Variants in RIPOR2 observed in about 807,000 individuals in gnomAD.
The protein encoded by RIPOR2 is rho family-interacting cell polarization regulator 2.
RIPOR2 carries 39 observed loss-of-function variants against 114.5 expected under a neutral mutation model. That is an observed-to-expected ratio of 0.34 (90% CI 0.26 to 0.44). RIPOR2 has a LOEUF of 0.44. Among genes scored for constraint, RIPOR2 ranks in the 20% least tolerant of loss-of-function variants. RIPOR2 has a pLI of 1.00. For synonymous variants in RIPOR2, 445 were observed against 484.4 expected, an observed-to-expected ratio of 0.92 and a Z score of 1.07; for missense variants, 1,007 against 1,255.1, an observed-to-expected ratio of 0.80 and a Z score of 2.99.
Position 24,850,832 on chromosome 6 carries a change from C to T in RIPOR2, c.760-110G>A, listed in dbSNP as rs1244767217. The T allele has an allele frequency of 2.4e-5, 28 of 1,179,938 alleles. No homozygotes were observed. The East Asian group carries it at 3.5e-4, about 15-fold the overall frequency. The allele number at this position is 1,179,938 out of a possible 1,614,324, so 73.1% of individuals were successfully genotyped here. A position where few individuals can be genotyped will look rare whatever the true frequency, so the allele number is the denominator to read the frequency against. The stretch of plus-strand genomic sequence containing the variant: ...AAAGCCACTGCTGCCCTCCGCTTCT[C>T]CCTTACTCTCCCTCCACCCCCTTAC... On this transcript the variant is annotated intron_variant, in intron 9 of 21. Coordinates refer to ENST00000643898, the MANE Select transcript of RIPOR2 (RefSeq NM_001286445.3).
chr6:24,846,734 C>T (rs1318206081), intron 12 of RIPOR2, among the ~76,000 whole-genome samples: 1 of 152,010 alleles, frequency 6.6e-6, no homozygotes, highest in African/African-American at 2.4e-5. Context: ...CAGGATGTTC[C>T]ATGTATGTGT....
At position 24,806,146 on chromosome 6, in the gene RIPOR2, C is replaced by T. The variant is rs1780756227; in HGVS notation, c.*227G>A. The stretch of plus-strand genomic sequence containing the variant: ...ACTATTTTTTTTGTAGAGACAGGGC[C>T]TTGCTATGTTGCCCAGGTTGGTCTT... On this transcript the variant is annotated 3_prime_UTR_variant, in exon 22 of 22. Transcript: ENST00000643898. 4.8e-5 allele frequency: 25 copies of T among 526,052 alleles called. 1 individual carries two copies. The South Asian group carries it at 6.6e-4, about 14-fold the overall frequency. The allele number at this position is 526,052 out of a possible 1,614,324, so 32.6% of individuals were successfully genotyped here. A position where few individuals can be genotyped will look rare whatever the true frequency, so the allele number is the denominator to read the frequency against.
intron 19 of RIPOR2, 63 bp downstream of exon 19, chr6:24,825,163 T>C: frequency 8.8e-7 from 1 of 1,134,436 alleles, no homozygotes; most frequent in Non-Finnish European, 1.3e-6. Flanking sequence ...GCTAAAATAT[T>C]AGTAGTAAAT....
intron 1 of RIPOR2, among the ~76,000 whole-genome samples, chr6:24,997,008 C>T (rs566351874): frequency 4.6e-5 from 7 of 152,312 alleles, no homozygotes; most frequent in African/African-American, 1.7e-4. Flanking sequence ...TACGCTGAAG[C>T]GGCTACAAGT....
At chr6:24,959,864 T>TA in intron 1 of RIPOR2, among the ~76,000 whole-genome samples, 1 of 152,290 alleles carries the variant, frequency 6.6e-6, no homozygotes, top group Admixed American at 6.5e-5. Flanking sequence ...AAACAAACAC[T>TA]AATTCTGGGG....
chr6:24,895,544 G>A (rs964653062), intron 1 of RIPOR2, among the ~76,000 whole-genome samples: 5 of 152,100 alleles, frequency 3.3e-5, no homozygotes, highest in South Asian at 2.1e-4. Flanking sequence ...AGAAAAAAAA[G>A]GAGTCATTCA....
intron 15 of RIPOR2, 85 bp downstream of exon 15, chr6:24,835,618 C>T (rs1227320257): frequency 2.2e-6 from 3 of 1,370,876 alleles, no homozygotes; most frequent in Non-Finnish European, 3.0e-6. Flanking sequence ...ATTCTCATTT[C>T]CCTGGCAACA....
At chr6:24,818,291 A>G (rs1190467863) in intron 20 of RIPOR2, among the ~76,000 whole-genome samples, 1 of 152,132 alleles carries the variant, frequency 6.6e-6, no homozygotes, top group African/African-American at 2.4e-5. Flanking sequence ...ATACTGACCT[A>G]AAGGCAAACT....
intron 1 of RIPOR2, among the ~76,000 whole-genome samples, chr6:24,946,419 A>G (rs773180304): frequency 6.6e-6 from 1 of 152,030 alleles, no homozygotes; most frequent in Non-Finnish European, 1.5e-5. Flanking sequence ...GAAAAATTAC[A>G]TACCTTCACG....
chr6:25,011,547 T>A (rs1386911261), intron 1 of RIPOR2, among the ~76,000 whole-genome samples: 2 of 152,230 alleles, frequency 1.3e-5, no homozygotes, highest in Non-Finnish European at 2.9e-5. Flanking sequence ...CTATAATGTG[T>A]GAGGGGAATT....
chr6:24,976,312 A>C, intron 1 of RIPOR2: 1 of 760,684 alleles, frequency 1.3e-6, no homozygotes, highest in Non-Finnish European at 2.2e-6. Flanking sequence ...GCAACCACTT[A>C]AATTGTGTTT....
At chr6:24,964,921 C>T (rs1328557354) in intron 1 of RIPOR2, among the ~76,000 whole-genome samples, 2 of 152,092 alleles carry the variant, frequency 1.3e-5, no homozygotes, top group East Asian at 3.9e-4. Context: ...TACTTATTTG[C>T]CATCTGTATT....
At chr6:24,844,477 T>C (rs983783536) in intron 12 of RIPOR2, among the ~76,000 whole-genome samples, 2 of 152,002 alleles carry the variant, frequency 1.3e-5, no homozygotes, top group Non-Finnish European at 2.9e-5. Context: ...ATTTTTCTTT[T>C]TTTTTTTTTT....
At chr6:24,978,034 T>C (rs1315065825) in intron 1 of RIPOR2, among the ~76,000 whole-genome samples, 1 of 152,180 alleles carries the variant, frequency 6.6e-6, no homozygotes, top group East Asian at 1.9e-4. Flanking sequence ...AATTGAAGCT[T>C]TCCTGCAACT....
chr6:24,846,301 CTTTT>C (rs1233193249), intron 12 of RIPOR2, among the ~76,000 whole-genome samples: 2 of 91,724 alleles, frequency 2.2e-5, no homozygotes, highest in Admixed American at 1.5e-4. Flanking sequence ...TTTCACCTGC[CTTTT>C]TTTTTTTTTT....
intron 1 of RIPOR2, among the ~76,000 whole-genome samples, chr6:24,991,718 G>T (rs1774823393): frequency 6.6e-6 from 1 of 152,136 alleles, no homozygotes; most frequent in Admixed American, 6.5e-5. Context: ...AGTGGCCTCT[G>T]TATCTCCCAG....
upstream of RIPOR2, chr6:25,042,042 C>A: frequency 2.1e-6 from 1 of 479,744 alleles, no homozygotes; most frequent in Non-Finnish European, 3.5e-6. Flanking sequence ...TAACCCCCCC[C>A]TTTTTGTTCT....
At position 24,957,982 on chromosome 6, in the gene RIPOR2, G is replaced by A. The variant is rs531219231; in HGVS notation, c.77-82165C>T. Among the ~76,000 whole-genome samples, 16 of 152,136 alleles carry A rather than the reference G, an allele frequency of 1.1e-4. No individual in the cohort carries two copies. The South Asian group carries it at 3.3e-3, about 32-fold the overall frequency. The stretch of plus-strand genomic sequence containing the variant: ...TAAACTGGATCAGTCTTTCTTGAGT[G>A]TATGATGGTGACAAGTAACATACTC... On this transcript the variant is annotated intron_variant, in intron 1 of 13. Transcript: ENST00000510784.
At chr6:24,944,040 G>T (rs527309959) in intron 1 of RIPOR2, among the ~76,000 whole-genome samples, 1 of 152,254 alleles carries the variant, frequency 6.6e-6, no homozygotes, top group African/African-American at 2.4e-5. Flanking sequence ...AAGCTTAAAA[G>T]AAAAAGCTTG....
Sources: gnomAD v4.1 joint callset for allele counts (sites outside exome capture counted in the v4.1 genomes callset) on GRCh38, gnomAD v4.1.1 for gene constraint, MANE v1.5 for transcripts, NCBI Gene and HGNC (gene_info 2026-07-23, HGNC 2026-07-21) for gene names.